Variants in TBC1D30 observed in about 807,000 individuals in gnomAD.
TBC1D30 encodes TBC1 domain family member 30, also known as TBC1 domain family, member 30.
TBC1D30 carries 31 observed loss-of-function variants against 63.2 expected under a neutral mutation model. The ratio of observed to expected loss-of-function variants is 0.49; its 90% CI spans 0.37 to 0.66. The LOEUF (loss-of-function observed/expected upper bound fraction) is 0.66. Ranked by LOEUF, TBC1D30 falls within the 30% of genes least tolerant of loss-of-function variation. TBC1D30 has a pLI of 0.00. For synonymous variants in TBC1D30, 307 were observed against 361.5 expected, an observed-to-expected ratio of 0.85 and a Z score of 1.71; for missense variants, 810 against 953.6, an observed-to-expected ratio of 0.85 and a Z score of 1.98.
rs1870761360 is a variant in TBC1D30 at position 64,767,677 on chromosome 12, T to C, written c.-376+8028T>C. On this transcript the variant is annotated intron_variant, in intron 1 of 13. Coordinates refer to the TBC1D30 transcript ENST00000674237. ...CTGACAAATCCAGACTGCCCAGGTA[T>C]CCTGCAGAACATCTTACCCATCCAA... is the stretch of plus-strand genomic sequence containing the variant. Among the ~76,000 whole-genome samples the C allele has an allele frequency of 2.0e-5, 3 of 150,930 alleles. No homozygotes were observed. The Admixed American group carries it at 2.0e-4, about 10-fold the overall frequency.
Position 64,876,485 on chromosome 12 carries a change from C to A in TBC1D30, c.*697C>A. 2 of 267,472 alleles carry A rather than the reference C, an allele frequency of 7.5e-6. No individual in the cohort carries two copies. Among genetic ancestry groups the A allele is most frequent in the South Asian group, 9.0e-5 (2 of 22,174 alleles). 16.6% of individuals were successfully genotyped at this position (267,472 alleles called of 1,614,324 possible). ...ATGCACAGGACACACTTGGCATATG[C>A]TTTACGCAGTTGCTCCGGACAGCTT... On this transcript the variant is annotated 3_prime_UTR_variant, in exon 12 of 12. Transcript: ENST00000539867.
At chr12:64,771,888 C>T (rs1290559469) in intron 1 of TBC1D30, among the ~76,000 whole-genome samples, 1 of 152,094 alleles carries the variant, frequency 6.6e-6, no homozygotes, top group Admixed American at 6.6e-5. Context: ...GGTCATGAGC[C>T]TGGAAGGAAG....
intron 2 of TBC1D30, among the ~76,000 whole-genome samples, chr12:64,786,661 G>A (rs1417274708): frequency 1.3e-5 from 2 of 151,932 alleles, no homozygotes; most frequent in African/African-American, 4.8e-5. Context: ...TTTTAAAACA[G>A]CATCACTGGC....
chr12:64,854,428 ACTGT>A (rs948416513), intron 8 of TBC1D30, among the ~76,000 whole-genome samples: 4 of 151,212 alleles, frequency 2.6e-5, no homozygotes, highest in East Asian at 1.9e-4. Flanking sequence ...CTCTTTATGT[ACTGT>A]CTATGTCTTA....
chr12:64,872,376 T>C (rs1394356493), intron 11 of TBC1D30, among the ~76,000 whole-genome samples: 1 of 152,134 alleles, frequency 6.6e-6, no homozygotes, highest in Admixed American at 6.5e-5. Context: ...TGTTTACAGG[T>C]TGTCTAAGGC....
upstream of TBC1D30, among the ~76,000 whole-genome samples, chr12:64,780,317 G>A (rs1871200152): frequency 6.6e-6 from 1 of 152,214 alleles, no homozygotes; most frequent in African/African-American, 2.4e-5. Flanking sequence ...ATGTCAAGAA[G>A]GAGCTCCTGG....
In TBC1D30 at chr12:64,828,439, C is replaced by T. The variant is rs1377847496; in HGVS notation, c.217-5C>T. On this transcript the variant is annotated splice_polypyrimidine_tract_variant and splice_region_variant and intron_variant, in intron 2 of 11. Coordinates refer to ENST00000539867, the MANE Select transcript of TBC1D30 (RefSeq NM_015279.2). Reference sequence around the variant, plus strand: ...CACCTCCTGGGATTTCTTCTTTGTTCCTAGTGGTACGATGCTCTCAAGGCA... The same window carrying T: ...CACCTCCTGGGATTTCTTCTTTGTTTCTAGTGGTACGATGCTCTCAAGGCA... The T allele has an allele frequency of 1.3e-6, 2 of 1,534,722 alleles. No homozygotes were observed. The highest frequency in any genetic ancestry group is 1.7e-6 in the Non-Finnish European group (2 of 1,145,802).
intron 8 of TBC1D30, among the ~76,000 whole-genome samples, chr12:64,853,222 C>T (rs1877022455): frequency 6.6e-6 from 1 of 152,202 alleles, no homozygotes. Flanking sequence ...ACTCTAGCGA[C>T]AGCGGCTTTG....
intron 2 of TBC1D30, among the ~76,000 whole-genome samples, chr12:64,807,918 G>GTTTTTTTTTTT (rs774145443): frequency 0.022 from 2,095 of 93,424 alleles, 398 homozygotes; most frequent in African/African-American, 0.092. Context: ...CCTAATTTAA[G>GTTTTTTTTTTT]TTTTTTTTTT....
chr12:64,827,088 T>A (rs923002616), intron 1 of TBC1D30, among the ~76,000 whole-genome samples: 3 of 152,178 alleles, frequency 2.0e-5, no homozygotes, highest in Non-Finnish European at 2.9e-5. Flanking sequence ...CTTTTGAAAT[T>A]TGTAAAACTT....
chr12:64,789,311 A>C (rs1871790652), intron 2 of TBC1D30, among the ~76,000 whole-genome samples: 1 of 150,786 alleles, frequency 6.6e-6, no homozygotes, highest in South Asian at 2.1e-4. Context: ...CATCCTCCCG[A>C]GTAGCTGGAA....
intron 2 of TBC1D30, chr12:64,786,093 G>A: frequency 2.4e-6 from 3 of 1,252,392 alleles, no homozygotes; most frequent in Non-Finnish European, 2.1e-6. Context: ...CAACTAGAAT[G>A]TTAGGAAAGC....
Position 64,864,679 on chromosome 12 carries a change from C to A in TBC1D30, c.1050C>A (p.Ser350=). 2 of 1,536,310 alleles carry A rather than the reference C, an allele frequency of 1.3e-6. No individual in the cohort carries two copies. The highest frequency in any genetic ancestry group is 1.7e-6 in the Non-Finnish European group (2 of 1,146,796). Residue 350 remains serine, a synonymous_variant, in exon 9 of 12, where the codon TCC becomes TCA. Coordinates refer to ENST00000539867, the MANE Select transcript of TBC1D30 (RefSeq NM_015279.2). ...CTTTTGTTTTACAGACTGTTTATTCCATGGCTCCGTTCCCTTTCCCACAAT... is the reference window on the plus strand; with the variant it reads ...CTTTTGTTTTACAGACTGTTTATTCAATGGCTCCGTTCCCTTTCCCACAAT... ...QSHELMQTVY[S]MAPFPFPQLA... is the part of the protein sequence containing the mutation.
chr12:64,783,395 C>T lies in TBC1D30; in HGVS notation c.478+2109C>T, dbSNP rs80090985. Among the ~76,000 whole-genome samples, 1,365 of 152,248 alleles carry T rather than the reference C, an allele frequency of 9.0e-3. 43 individuals are homozygous for T. Among genetic ancestry groups the T allele is most frequent in the Admixed American group, 0.062 (952 of 15,288 alleles). ...TAATAATAATACCTACCTCAGAGGG[C>T]TGTGGTGAGAATTACATAAGTTAGA... On this transcript the variant is annotated intron_variant, in intron 1 of 12. Transcript: ENST00000542120.
chr12:64,807,247 T>C (rs1385321542), intron 2 of TBC1D30, among the ~76,000 whole-genome samples: 1 of 152,232 alleles, frequency 6.6e-6, no homozygotes, highest in Non-Finnish European at 1.5e-5. Context: ...CCTGCCATCA[T>C]GTGAAGAAGG....
At chr12:64,762,686 A>G (rs188968323) in intron 1 of TBC1D30, among the ~76,000 whole-genome samples, 33 of 152,336 alleles carry the variant, frequency 2.2e-4, no homozygotes, top group African/African-American at 7.5e-4. Context: ...TGCCAGGCAT[A>G]CTTCTTCATA....
intron 7 of TBC1D30, among the ~76,000 whole-genome samples, chr12:64,842,787 A>G (rs1363934584): frequency 2.0e-5 from 3 of 152,160 alleles, no homozygotes; most frequent in African/African-American, 7.2e-5. Context: ...AGTGGTGGGA[A>G]TTCTGATGTG....
chr12:64,764,025 C>A (rs930882195), intron 1 of TBC1D30, among the ~76,000 whole-genome samples: 3 of 152,196 alleles, frequency 2.0e-5, no homozygotes, highest in African/African-American at 7.2e-5. Context: ...TGTTTAACCA[C>A]AGGTTAAAAT....
At chr12:64,832,830 A>C (rs1009470024) in intron 5 of TBC1D30, among the ~76,000 whole-genome samples, 10 of 152,150 alleles carry the variant, frequency 6.6e-5, no homozygotes, top group African/African-American at 2.4e-4. Context: ...TGTTGACTGG[A>C]GGCCTTTTAT....
Sources: gnomAD v4.1 joint callset for allele counts (sites outside exome capture counted in the v4.1 genomes callset) on GRCh38, gnomAD v4.1.1 for gene constraint, MANE v1.5 for transcripts, NCBI Gene and HGNC (gene_info 2026-07-23, HGNC 2026-07-21) for gene names.